Variants in MANBA observed in about 807,000 individuals in gnomAD.
The protein encoded by MANBA is mannosidase beta.
In MANBA, 83 loss-of-function variants were observed where a neutral mutation model predicts 111.1. That is an observed-to-expected ratio of 0.75 (90% CI 0.63 to 0.90). The LOEUF (loss-of-function observed/expected upper bound fraction) is 0.90. MANBA is among the 40% of genes least tolerant of loss of function. The pLI, the probability that MANBA is intolerant of heterozygous loss-of-function variation, is 0.00. For missense variants in MANBA, 1,036 were observed against 1,069.0 expected (o/e 0.97, Z 0.43); for synonymous variants, 370 against 378.7 (o/e 0.98, Z 0.27).
chr4:102,718,238 C>G (rs997862453), intron 4 of MANBA, among the ~76,000 whole-genome samples: 1 of 152,214 alleles, frequency 6.6e-6, no homozygotes, highest in Non-Finnish European at 1.5e-5. Context: ...GGACTTAAAT[C>G]ACAAGTGCGG....
At position 102,660,199 on chromosome 4, in the gene MANBA, A is replaced by C. The variant is rs182424940; in HGVS notation, c.1486-2299T>G. 5.1e-3 allele frequency among the ~76,000 whole-genome samples: 775 copies of C among 152,160 alleles called. 9 individuals are homozygous for C. Among genetic ancestry groups the C allele is most frequent in the Non-Finnish European group, 4.9e-3 (336 of 68,008 alleles). The stretch of plus-strand genomic sequence containing the variant: ...TCTTGCTGAACGGTACCCAGATTGG[A>C]GTCATCTTCAATTTCTCCCTCTCTT... On this transcript the variant is annotated intron_variant, in intron 11 of 16. Coordinates refer to ENST00000647097, the MANE Select transcript of MANBA (RefSeq NM_005908.4).
intron 11 of MANBA, among the ~76,000 whole-genome samples, chr4:102,661,055 G>A (rs539424303): frequency 6.6e-6 from 1 of 152,168 alleles, no homozygotes; most frequent in African/African-American, 2.4e-5. Flanking sequence ...TTCTCCCACA[G>A]TAATCCAGGA....
chr4:102,723,989 TA>T, intron 2 of MANBA, 22 bp from the exon 3 acceptor site: 9 of 1,316,180 alleles, frequency 6.8e-6, no homozygotes, highest in Non-Finnish European at 9.8e-6. Context: ...AAAAGATTTT[TA>T]AAACAAGATG....
intron 7 of MANBA, among the ~76,000 whole-genome samples, chr4:102,683,881 C>T (rs962995761): frequency 3.9e-5 from 6 of 152,218 alleles, no homozygotes; most frequent in Middle Eastern, 3.4e-3. Flanking sequence ...TCCCTTCTTG[C>T]TTAAACCATT....
intron 5 of MANBA, among the ~76,000 whole-genome samples, chr4:102,701,449 T>C (rs1733036795): frequency 6.6e-6 from 1 of 152,246 alleles, no homozygotes; most frequent in Admixed American, 6.5e-5. Flanking sequence ...AGTTTCTTCC[T>C]AGTCTCCATG....
chr4:102,751,508 C>A, intron 1 of MANBA: 1 of 531,566 alleles, frequency 1.9e-6, no homozygotes, highest in East Asian at 5.4e-5. Flanking sequence ...TTAGTAACAT[C>A]ATCAATAAAT....
At position 102,662,450 on chromosome 4, in the gene MANBA, C is replaced by T. The variant is rs1451195377; in HGVS notation, c.1485+2235G>A. Among the ~76,000 whole-genome samples the T allele has an allele frequency of 5.3e-5, 8 of 150,154 alleles. No homozygotes were observed. The South Asian group carries it at 6.4e-4, about 12-fold the overall frequency. ...AGCTACTCGGGAGGCTGAGGCTACT[C>T]GGGAGAATTGCTTGAACCCAGGAGG... On this transcript the variant is annotated intron_variant, in intron 11 of 16. Transcript: ENST00000647097.
In MANBA at chr4:102,726,398, T is replaced by C. The variant is rs150417349; in HGVS notation, c.272+191A>G. On this transcript the variant is annotated intron_variant, in intron 2 of 16. Transcript: ENST00000647097. ...CCATCCTCATATACAAAACAAAACA[T>C]AAATAATATATTCACTTTTATAGTA... is the stretch of plus-strand genomic sequence containing the variant. Among the ~76,000 whole-genome samples the C allele has an allele frequency of 6.6e-5, 10 of 151,842 alleles. No homozygotes were observed. In the East Asian group the frequency reaches 1.9e-3, roughly 29 times the overall value.
Position 102,664,806 on chromosome 4 carries a change from T to C in MANBA, c.1364A>G (p.Asn455Ser). 2 of 1,609,924 alleles carry C rather than the reference T, an allele frequency of 1.2e-6. No homozygotes were observed. Among genetic ancestry groups the C allele is most frequent in the Non-Finnish European group, 1.7e-6 (2 of 1,176,122 alleles). Reference protein sequence around the residue: ...SHPSIIIWSGNNENEEALMMN... With the variant: ...SHPSIIIWSGSNENEEALMMN... Reference sequence around the variant, plus strand: ...CATCAGCGCCTCCTCATTTTCATTATTGCCACTCCATATGATGATAGAAGG... The same window carrying C: ...CATCAGCGCCTCCTCATTTTCATTACTGCCACTCCATATGATGATAGAAGG... The change falls in exon 11 of 17, where the codon AAT becomes AGT. Residue 455 changes from asparagine (N) to serine (S), a missense_variant. By Grantham distance (46) the Asn-to-Ser change is conservative (BLOSUM62 1). Transcript: ENST00000647097.
chr4:102,671,159 T>G, intron 9 of MANBA, 122 bp downstream of exon 9: 1 of 745,018 alleles, frequency 1.3e-6, no homozygotes, highest in Non-Finnish European at 2.5e-6. Context: ...TTTATTCCTA[T>G]AGCCCCAAAT....
At chr4:102,720,729 T>G (rs986375847) in intron 4 of MANBA, among the ~76,000 whole-genome samples, 1 of 152,024 alleles carries the variant, frequency 6.6e-6, no homozygotes, top group African/African-American at 2.4e-5. Flanking sequence ...AGCAGACAAA[T>G]ATTCCATGGA....
intron 7 of MANBA, among the ~76,000 whole-genome samples, chr4:102,675,215 G>A (rs1731674044): frequency 6.6e-6 from 1 of 152,188 alleles, no homozygotes; most frequent in South Asian, 2.1e-4. Flanking sequence ...GAGACTGTCA[G>A]TGTGTCCTTG....
At chr4:102,701,494 G>C (rs1213720131) in intron 5 of MANBA, among the ~76,000 whole-genome samples, 1 of 152,138 alleles carries the variant, frequency 6.6e-6, no homozygotes, top group Non-Finnish European at 1.5e-5. Flanking sequence ...GTAGCAGCTG[G>C]TACCGGTTGT....
At chr4:102,758,557 T>C (rs1724112172) in intron 1 of MANBA, among the ~76,000 whole-genome samples, 1 of 151,384 alleles carries the variant, frequency 6.6e-6, no homozygotes, top group South Asian at 2.1e-4. Flanking sequence ...TTTTCTTTTT[T>C]TTTTTTTTTT....
chr4:102,718,440 A>G (rs1722430460), intron 4 of MANBA, among the ~76,000 whole-genome samples: 1 of 152,220 alleles, frequency 6.6e-6, no homozygotes, highest in Non-Finnish European at 1.5e-5. Context: ...ATGAGAAAAG[A>G]GTCTAGAACA....
chr4:102,722,751 AG>A, intron 4 of MANBA, 119 bp downstream of exon 4: 2 of 1,000,816 alleles, frequency 2.0e-6, no homozygotes, highest in Non-Finnish European at 3.2e-6. Flanking sequence ...AACCCCACTA[AG>A]GGATCAGGAA....
intron 5 of MANBA, among the ~76,000 whole-genome samples, chr4:102,691,311 TCTG>T (rs1329349518): frequency 6.6e-6 from 1 of 152,134 alleles, no homozygotes; most frequent in Non-Finnish European, 1.5e-5. Flanking sequence ...TGCCATATAC[TCTG>T]CTAAGTGATG....
chr4:102,713,467 C>T (rs1722171294), intron 5 of MANBA, among the ~76,000 whole-genome samples: 2 of 152,188 alleles, frequency 1.3e-5, no homozygotes, highest in Admixed American at 6.5e-5. Context: ...ATAAACACAG[C>T]GCTGAGCAAA....
At chr4:102,684,685 T>A (rs1343591717) in intron 7 of MANBA, among the ~76,000 whole-genome samples, 2 of 152,160 alleles carry the variant, frequency 1.3e-5, no homozygotes, top group Non-Finnish European at 2.9e-5. Flanking sequence ...AGTAGGTGCC[T>A]GAAACTGCAG....
Sources: gnomAD v4.1 joint callset for allele counts (sites outside exome capture counted in the v4.1 genomes callset) on GRCh38, gnomAD v4.1.1 for gene constraint, MANE v1.5 for transcripts, NCBI Gene and HGNC (gene_info 2026-07-23, HGNC 2026-07-21) for gene names.